Variants in SMYD3 observed in about 807,000 individuals in gnomAD.
SMYD3 encodes the protein SET and MYND domain containing 3, also known as histone-lysine N-methyltransferase SMYD3.
A neutral mutation model predicts 57.7 loss-of-function variants in SMYD3; 36 were observed. That is an observed-to-expected ratio of 0.62 (90% CI 0.48 to 0.82). The LOEUF (loss-of-function observed/expected upper bound fraction) is 0.82. SMYD3 is among the 40% of genes least tolerant of loss of function. The pLI is 0.00. For missense variants in SMYD3, 515 were observed against 538.8 expected, an observed-to-expected ratio of 0.96 and a Z score of 0.44; for synonymous variants, 211 against 195.0, an observed-to-expected ratio of 1.08 and a Z score of -0.68.
intron 1 of SMYD3, among the ~76,000 whole-genome samples, chr1:246,479,182 A>G (rs72760834): frequency 0.098 from 14,473 of 147,914 alleles, 908 homozygotes; most frequent in East Asian, 0.26. Context: ...GAGCTAGTGC[A>G]TTAAGTGCTC....
chr1:245,968,180 C>A (rs1303524064), intron 5 of SMYD3, among the ~76,000 whole-genome samples: 1 of 151,938 alleles, frequency 6.6e-6, no homozygotes, highest in Admixed American at 6.6e-5. Context: ...CAGCGTTAGA[C>A]CACAGATCTG....
intron 5 of SMYD3, among the ~76,000 whole-genome samples, chr1:246,277,264 G>T (rs548972541): frequency 6.6e-6 from 1 of 150,974 alleles, no homozygotes; most frequent in East Asian, 1.9e-4. Flanking sequence ...TATATAAAAC[G>T]CTCAACATCA....
chr1:246,019,497 C>A (rs1336985350), intron 5 of SMYD3, among the ~76,000 whole-genome samples: 1 of 152,144 alleles, frequency 6.6e-6, no homozygotes, highest in Non-Finnish European at 1.5e-5. Flanking sequence ...GGTCATAGAA[C>A]CTTATAGAAT....
chr1:246,308,869 T>G (rs1373977525), intron 5 of SMYD3, among the ~76,000 whole-genome samples: 1 of 152,116 alleles, frequency 6.6e-6, no homozygotes, highest in Admixed American at 6.5e-5. Flanking sequence ...CTAGTATCCA[T>G]CTAAAAAATG....
chr1:246,298,178 A>G (rs2064829205), intron 5 of SMYD3, among the ~76,000 whole-genome samples: 1 of 152,090 alleles, frequency 6.6e-6, no homozygotes, highest in Non-Finnish European at 1.5e-5. Flanking sequence ...AAATAAGAAA[A>G]GAACTTCAGA....
rs2062205332 is a variant in SMYD3, at chr1:246,166,099, T to TA, written c.531+161101_531+161102insT. 5.3e-5 allele frequency among the ~76,000 whole-genome samples: 8 copies of TA among 151,188 alleles called. No individual in the cohort carries two copies. In the East Asian group the frequency reaches 5.8e-4, roughly 11 times the overall value. The stretch of plus-strand genomic sequence containing the variant: ...TGTGGACTAGGTTCCCCTCCCTTTT[T>TA]TAAAAAAAAAAGAAGAAGAAAAGCA... On this transcript the variant is annotated intron_variant, in intron 5 of 11. Coordinates refer to ENST00000490107, the MANE Select transcript of SMYD3 (RefSeq NM_001167740.2).
chr1:246,084,244 C>G (rs2060690043), intron 5 of SMYD3, among the ~76,000 whole-genome samples: 1 of 146,846 alleles, frequency 6.8e-6, no homozygotes, highest in Admixed American at 6.8e-5. Flanking sequence ...AGAGCTCACT[C>G]TGTCACCCAG....
At chr1:246,295,582 T>C (rs950935387) in intron 5 of SMYD3, among the ~76,000 whole-genome samples, 1 of 151,900 alleles carries the variant, frequency 6.6e-6, no homozygotes, top group Non-Finnish European at 1.5e-5. Context: ...TATTCTGTTA[T>C]ATTTCTCTCA....
At chr1:246,024,345 G>GAAC (rs2059534828) in intron 5 of SMYD3, among the ~76,000 whole-genome samples, 2 of 136,382 alleles carry the variant, frequency 1.5e-5, no homozygotes, top group African/African-American at 2.8e-5. Flanking sequence ...ATCTAGGAAG[G>GAAC]AGATACAGGA....
chr1:246,393,458 C>G (rs2066604557), intron 1 of SMYD3, among the ~76,000 whole-genome samples: 1 of 152,036 alleles, frequency 6.6e-6, no homozygotes, highest in Non-Finnish European at 1.5e-5. Context: ...CAAAGCAATA[C>G]ATTCTAACAT....
At chr1:246,317,767 T>A (rs2065187589) in intron 5 of SMYD3, among the ~76,000 whole-genome samples, 1 of 152,190 alleles carries the variant, frequency 6.6e-6, no homozygotes, top group Non-Finnish European at 1.5e-5. Flanking sequence ...TTAAAATAAT[T>A]TTTTTAAAGA....
intron 5 of SMYD3, among the ~76,000 whole-genome samples, chr1:246,129,499 C>A (rs1311310608): frequency 2.0e-5 from 3 of 152,020 alleles, no homozygotes; most frequent in Admixed American, 2.0e-4. Flanking sequence ...GTGAAACTAT[C>A]TTTGAGGGAC....
At chr1:245,918,331 G>A (rs1281093784) in intron 7 of SMYD3, among the ~76,000 whole-genome samples, 2 of 149,232 alleles carry the variant, frequency 1.3e-5, no homozygotes, top group Non-Finnish European at 3.0e-5. Context: ...TAAGTCTGAT[G>A]CTCTTTTTAC....
chr1:246,273,150 TTTC>T (rs2064256978), intron 5 of SMYD3, among the ~76,000 whole-genome samples: 3 of 135,078 alleles, frequency 2.2e-5, no homozygotes, highest in African/African-American at 8.6e-5. Context: ...TTTTTTTTTT[TTTC>T]TTTTTTTTGG....
intron 5 of SMYD3, among the ~76,000 whole-genome samples, chr1:245,977,317 C>G (rs547115980): frequency 2.6e-4 from 39 of 152,358 alleles, no homozygotes; most frequent in African/African-American, 9.4e-4. Context: ...CCCCACTCTT[C>G]TAGCCTTGCT....
chr1:246,199,029 A>G (rs986720352), intron 5 of SMYD3, among the ~76,000 whole-genome samples: 3 of 152,122 alleles, frequency 2.0e-5, no homozygotes, highest in African/African-American at 7.2e-5. Context: ...ATGGGTATGT[A>G]GTGTGGCGCT....
chr1:246,480,487 T>C (rs1042643552), intron 1 of SMYD3, among the ~76,000 whole-genome samples: 3 of 152,246 alleles, frequency 2.0e-5, no homozygotes, highest in Admixed American at 6.5e-5. Flanking sequence ...TTTTTTACTA[T>C]ATTAAAATGT....
At chr1:246,133,848 T>C (rs987069979) in intron 5 of SMYD3, among the ~76,000 whole-genome samples, 2 of 152,256 alleles carry the variant, frequency 1.3e-5, no homozygotes, top group South Asian at 2.1e-4. Flanking sequence ...AGCCAGCAAA[T>C]GACACTGTTG....
At chr1:245,920,140 C>T (rs370525455) in intron 7 of SMYD3, among the ~76,000 whole-genome samples, 73 of 152,000 alleles carry the variant, frequency 4.8e-4, no homozygotes, top group Middle Eastern at 3.4e-3. Context: ...GGTGAAACCC[C>T]GTCTCTACTA....
Sources: allele counts gnomAD v4.1 joint callset (sites outside exome capture counted in the v4.1 genomes callset), GRCh38; gene constraint gnomAD v4.1.1; transcripts MANE v1.5; gene names NCBI Gene and HGNC (gene_info 2026-07-23, HGNC 2026-07-21).